The following FAM131B variants were observed in gnomAD, a reference collection of about 807,000 sequenced individuals.
FAM131B encodes protein FAM131B.
A neutral mutation model predicts 42.0 loss-of-function variants in FAM131B; 19 were observed. That is an observed-to-expected ratio of 0.45 (90% CI 0.32 to 0.66). FAM131B has a LOEUF of 0.66. Ranked by LOEUF, FAM131B falls within the 30% of genes least tolerant of loss-of-function variation. The pLI is 0.05. For missense variants in FAM131B, 370 were observed against 468.4 expected, an observed-to-expected ratio of 0.79 and a Z score of 1.94; for synonymous variants, 183 against 177.6, an observed-to-expected ratio of 1.03 and a Z score of -0.24.
the FAM131B span, among the ~76,000 whole-genome samples, chr7:143,370,329 T>A: frequency 6.6e-6 from 1 of 152,170 alleles, no homozygotes. Context: ...GCATCTTCAC[T>A]CTACTGAAGC....
At chr7:143,380,857 G>A in the FAM131B span, 1 of 863,802 alleles carries the variant, frequency 1.2e-6, no homozygotes, top group Non-Finnish European at 1.4e-6. This position sits in a 1 kb window ranked among gnomAD's most constrained non-coding sequence, Gnocchi z 5.0. Flanking sequence ...GTAGCGGGTG[G>A]TGGCAGGAGG....
intron 1 of FAM131B, chr7:143,361,030 T>C (rs1434476925): frequency 1.3e-5 from 2 of 152,116 alleles, no homozygotes; most frequent in Non-Finnish European, 2.9e-5. Flanking sequence ...AAGCAGCAGA[T>C]GGCTGCCTGA....
upstream of FAM131B, chr7:143,362,765 TCGCCGCCGCCGC>T (rs559900593): frequency 1.2e-4 from 29 of 237,826 alleles, no homozygotes; most frequent in East Asian, 1.3e-3. The surrounding 1 kb of genome is among the most constrained non-coding windows in gnomAD (Gnocchi z 7.7). Context: ...GGCAGCTCCG[TCGCCGCCGCCGC>T]CGCCGCCGCC....
At chr7:143,370,168 C>T in the FAM131B span, among the ~76,000 whole-genome samples, 1 of 152,186 alleles carries the variant, frequency 6.6e-6, no homozygotes, top group African/African-American at 2.4e-5. Context: ...CAAGCAATGT[C>T]TTCCTTCTAA....
At chr7:143,360,003 G>T in intron 2 of FAM131B, 37 bp downstream of exon 2, 1 of 1,469,684 alleles carries the variant, frequency 6.8e-7, no homozygotes, top group South Asian at 1.1e-5. Context: ...GGAAGTGCAG[G>T]CAGCCAGAGA....
upstream of FAM131B, among the ~76,000 whole-genome samples, chr7:143,365,225 G>A (rs1563099315): frequency 6.6e-6 from 1 of 152,224 alleles, no homozygotes; most frequent in Admixed American, 6.5e-5. Flanking sequence ...GGATGAGACT[G>A]TACAGGAGGA....
chr7:143,376,436 G>A, the FAM131B span, among the ~76,000 whole-genome samples: 2 of 152,228 alleles, frequency 1.3e-5, no homozygotes, highest in African/African-American at 4.8e-5. Context: ...GGGAATGGGA[G>A]GGAAAGTGTA....
chr7:143,381,443 G>A, the FAM131B span: 28 of 1,290,036 alleles, frequency 2.2e-5, no homozygotes, highest in East Asian at 6.2e-4. Flanking sequence ...CGGCCCCACG[G>A]GGAGGGGGCG....
Position 143,356,471 on chromosome 7 carries a change from A to T in FAM131B, c.*79T>A. The T allele has an allele frequency of 9.3e-7, 1 of 1,071,026 alleles. No homozygotes were observed. Among genetic ancestry groups the T allele is most frequent in the Non-Finnish European group, 1.4e-6 (1 of 712,630 alleles). 66.3% of individuals were successfully genotyped at this position (1,071,026 alleles called of 1,614,324 possible). A position where few individuals can be genotyped will look rare whatever the true frequency, so the allele number is the denominator to read the frequency against. On this transcript the variant is annotated 3_prime_UTR_variant, in exon 7 of 7. Coordinates refer to ENST00000443739, the MANE Select transcript of FAM131B (RefSeq NM_001031690.3). This position sits in a 1 kb window ranked among gnomAD's most constrained non-coding sequence, Gnocchi z 4.4. ...ATGTTGTCTGCCCAGTTTCAGCTGTACTGCTGGGGGGAGGGAGGGTATGGG... is the reference window on the plus strand; with the variant it reads ...ATGTTGTCTGCCCAGTTTCAGCTGTTCTGCTGGGGGGAGGGAGGGTATGGG...
At chr7:143,375,029 G>T in the FAM131B span, among the ~76,000 whole-genome samples, 1 of 152,200 alleles carries the variant, frequency 6.6e-6, no homozygotes, top group African/African-American at 2.4e-5. Flanking sequence ...CAAGGGCTGA[G>T]ATCATGCCTG....
the FAM131B span, among the ~76,000 whole-genome samples, chr7:143,377,364 A>T: frequency 6.6e-6 from 1 of 152,242 alleles, no homozygotes; most frequent in African/African-American, 2.4e-5. Context: ...ACATGCAGAT[A>T]GATATATAAA....
rs1803549779 is a variant in FAM131B, at chr7:143,354,072, A to G, written c.*2478T>C. The G allele has an allele frequency of 8.6e-6, 1 of 115,960 alleles. No homozygotes were observed. Among genetic ancestry groups the G allele is most frequent in the Admixed American group, 1.0e-4 (1 of 10,024 alleles). The allele number at this position is 115,960 out of a possible 1,614,324, so 7.2% of individuals were successfully genotyped here. On this transcript the variant is annotated 3_prime_UTR_variant, in exon 7 of 7. Coordinates refer to ENST00000443739, the MANE Select transcript of FAM131B (RefSeq NM_001031690.3). ...AATAGACGATAAGCAACCCCCATGC[A>G]CCCTGCCCCCAGCACCAGAAGAGTC...
chr7:143,382,226 G>A, the FAM131B span: 10 of 1,608,006 alleles, frequency 6.2e-6, no homozygotes, highest in Non-Finnish European at 8.5e-6. Context: ...CCCGGCCGAC[G>A]TCTTTCTCCT....
upstream of FAM131B, among the ~76,000 whole-genome samples, chr7:143,364,853 G>T (rs933693893): frequency 1.3e-5 from 2 of 151,996 alleles, no homozygotes; most frequent in African/African-American, 4.8e-5. Flanking sequence ...CATACTTGGC[G>T]GGGGGGTTCT....
Position 143,362,389 on chromosome 7 carries a change from G to T in FAM131B, c.28+187C>A, listed in dbSNP as rs915786879. Among the ~76,000 whole-genome samples, 17 of 152,184 alleles carry T rather than the reference G, an allele frequency of 1.1e-4. No homozygotes were observed. Among genetic ancestry groups the T allele is most frequent in the Admixed American group, 9.8e-4 (15 of 15,290 alleles). On this transcript the variant is annotated intron_variant, in intron 1 of 6. Transcript: ENST00000443739. The surrounding 1 kb of genome is among the most constrained non-coding windows in gnomAD (Gnocchi z 7.7). ...CGAGCGGGATGGCAGCCCCGGAGGCGCAAGACGAGAGCGGGCAGGAAGGAG... is the reference window on the plus strand; with the variant it reads ...CGAGCGGGATGGCAGCCCCGGAGGCTCAAGACGAGAGCGGGCAGGAAGGAG...
chr7:143,381,576 C>A, the FAM131B span: 27 of 1,609,614 alleles, frequency 1.7e-5, no homozygotes, highest in Non-Finnish European at 2.1e-5. Context: ...CCGGCCATGG[C>A]GGCCCCCCGC....
Position 143,359,197 on chromosome 7 carries a change from G to C in FAM131B, c.268+129C>G. On this transcript the variant is annotated intron_variant, in intron 4 of 6. Coordinates refer to ENST00000443739, the MANE Select transcript of FAM131B (RefSeq NM_001031690.3). This position sits in a 1 kb window ranked among gnomAD's most constrained non-coding sequence, Gnocchi z 5.4. ...GAATGGCCTGGAGGATGGGAGGCTT[G>C]ACAGAAGGGTGAATAGGTCAGGGGG... 1 of 1,016,378 alleles carries C rather than the reference G, an allele frequency of 9.8e-7. No individual in the cohort carries two copies. Among genetic ancestry groups the C allele is most frequent in the South Asian group, 1.5e-5 (1 of 68,546 alleles). 63.0% of individuals were successfully genotyped at this position (1,016,378 alleles called of 1,614,324 possible). A position where few individuals can be genotyped will look rare whatever the true frequency, so the allele number is the denominator to read the frequency against.
chr7:143,361,185 A>C (rs1406939528), intron 1 of FAM131B: 1 of 152,464 alleles, frequency 6.6e-6, no homozygotes, highest in Non-Finnish European at 1.5e-5. Flanking sequence ...GGGGAAAGGA[A>C]GGGGCTTGTG....
At chr7:143,375,348 C>T in the FAM131B span, among the ~76,000 whole-genome samples, 1 of 152,188 alleles carries the variant, frequency 6.6e-6, no homozygotes, top group African/African-American at 2.4e-5. Flanking sequence ...CTTCTGGTAG[C>T]ATCTCACGCT....
Sources: gnomAD v4.1 joint callset for allele counts (sites outside exome capture counted in the v4.1 genomes callset) on GRCh38, gnomAD v4.1.1 for gene constraint, Gnocchi (gnomAD v3.1) non-coding constraint, MANE v1.5 for transcripts, NCBI Gene and HGNC (gene_info 2026-07-23, HGNC 2026-07-21) for gene names.